The following CCBE1 variants were observed in gnomAD, a reference collection of about 807,000 sequenced individuals.
CCBE1 encodes collagen and calcium-binding EGF domain-containing protein 1.
Under a neutral mutation model 50.0 loss-of-function variants are expected in CCBE1, and 37 were observed. That is an observed-to-expected ratio of 0.74 (90% confidence interval 0.57 to 0.97). The LOEUF is 0.97. Among genes scored for constraint, CCBE1 ranks in the 50% least tolerant of loss-of-function variants. The pLI is 0.00. For missense variants in CCBE1, 538 were observed against 523.8 expected (o/e 1.03, Z -0.26); for synonymous variants, 234 against 203.7 (o/e 1.15, Z -1.27).
intron 3 of CCBE1, among the ~76,000 whole-genome samples, chr18:59,474,697 T>A (rs766619207): frequency 6.6e-6 from 1 of 152,196 alleles, no homozygotes; most frequent in Non-Finnish European, 1.5e-5. Context: ...AAAGGCAATA[T>A]CCTGTCTGTA....
intron 2 of CCBE1, among the ~76,000 whole-genome samples, chr18:59,609,057 C>A (rs2053538237): frequency 6.6e-6 from 1 of 152,184 alleles, no homozygotes; most frequent in Non-Finnish European, 1.5e-5. Context: ...ATCTGTTGAC[C>A]AACTCCTCCT....
intron 2 of CCBE1, among the ~76,000 whole-genome samples, chr18:59,498,042 T>A (rs1363749891): frequency 6.6e-6 from 1 of 152,192 alleles, no homozygotes; most frequent in East Asian, 1.9e-4. Context: ...TCAGCACTGG[T>A]GATTCTCCCG....
At chr18:59,581,252 C>CCA (rs1424900650) in intron 2 of CCBE1, among the ~76,000 whole-genome samples, 1 of 151,974 alleles carries the variant, frequency 6.6e-6, no homozygotes, top group Non-Finnish European at 1.5e-5. Flanking sequence ...ACCATCCTGA[C>CCA]CAACATGGTG....
At chr18:59,696,499 C>T in intron 2 of CCBE1, 130 bp downstream of exon 2, 7 of 1,547,482 alleles carry the variant, frequency 4.5e-6, no homozygotes, top group Non-Finnish European at 6.1e-6. Flanking sequence ...GCGCGGCACG[C>T]ACCCAGCAGG....
At chr18:59,620,255 G>A (rs1001420965) in intron 2 of CCBE1, among the ~76,000 whole-genome samples, 5 of 152,106 alleles carry the variant, frequency 3.3e-5, no homozygotes, top group African/African-American at 4.8e-5. Flanking sequence ...GTCTTCCAGT[G>A]GGGGGAGAGA....
chr18:59,571,771 C>T (rs186035478), intron 2 of CCBE1, among the ~76,000 whole-genome samples: 28 of 152,284 alleles, frequency 1.8e-4, no homozygotes, highest in Middle Eastern at 3.4e-3. Context: ...TTATCTCATA[C>T]GTACAGAAGA....
At chr18:59,566,112 C>A (rs1208858985) in intron 2 of CCBE1, among the ~76,000 whole-genome samples, 2 of 152,206 alleles carry the variant, frequency 1.3e-5, no homozygotes, top group African/African-American at 4.8e-5. Context: ...CACACTGCAA[C>A]AGCAACCGTG....
intron 2 of CCBE1, among the ~76,000 whole-genome samples, chr18:59,667,780 T>C (rs1351970468): frequency 3.3e-5 from 5 of 152,030 alleles, no homozygotes; most frequent in African/African-American, 1.2e-4. Flanking sequence ...CAGGAAAGAA[T>C]GGGGAGTGGG....
chr18:59,498,969 G>A (rs1913484527), intron 2 of CCBE1, among the ~76,000 whole-genome samples: 1 of 152,134 alleles, frequency 6.6e-6, no homozygotes, highest in African/African-American at 2.4e-5. Context: ...TTTCCTCCCT[G>A]TCCTGACTAT....
At chr18:59,562,078 T>C (rs2052746734) in intron 2 of CCBE1, among the ~76,000 whole-genome samples, 1 of 152,200 alleles carries the variant, frequency 6.6e-6, no homozygotes, top group Non-Finnish European at 1.5e-5. Context: ...AAGGTCATGA[T>C]TTGTAAACTT....
chr18:59,554,066 G>A (rs1043760789), intron 2 of CCBE1, among the ~76,000 whole-genome samples: 8 of 152,262 alleles, frequency 5.3e-5, no homozygotes, highest in African/African-American at 1.4e-4. Flanking sequence ...GCAGTGGTGC[G>A]ATCACAACTC....
chr18:59,445,611 C>T (rs1268563189), intron 7 of CCBE1, among the ~76,000 whole-genome samples: 3 of 152,188 alleles, frequency 2.0e-5, no homozygotes, highest in Non-Finnish European at 4.4e-5. Flanking sequence ...AGAATAATTA[C>T]GCCAAAGTTA....
At chr18:59,687,497 T>TTTCCCTTTTGTTTTG in intron 2 of CCBE1, among the ~76,000 whole-genome samples, 1 of 152,210 alleles carries the variant, frequency 6.6e-6, no homozygotes, top group Non-Finnish European at 1.5e-5. Context: ...TCCCTTCCTT[T>TTTCCCTTTTGTTTTG]GCCAAAATAC....
At chr18:59,596,430 C>G (rs2053351737) in intron 2 of CCBE1, among the ~76,000 whole-genome samples, 1 of 152,124 alleles carries the variant, frequency 6.6e-6, no homozygotes, top group African/African-American at 2.4e-5. Flanking sequence ...GTATTTTTTT[C>G]AATACCTAGA....
At chr18:59,582,598 G>C (rs1009478412) in intron 2 of CCBE1, among the ~76,000 whole-genome samples, 3 of 152,146 alleles carry the variant, frequency 2.0e-5, no homozygotes, top group Non-Finnish European at 4.4e-5. Flanking sequence ...GTAGTGATGG[G>C]GGAAGGGAGC....
At position 59,562,936 on chromosome 18, in the gene CCBE1, G is replaced by A. The variant is rs73961247; in HGVS notation, c.213-82698C>T. 4.4e-3 allele frequency among the ~76,000 whole-genome samples: 670 copies of A among 152,316 alleles called. 7 individuals are homozygous for A. The highest frequency in any genetic ancestry group is 0.015 in the African/African-American group (636 of 41,570). ...CTCTTGTTTGTTTCCCAGTTTGAGT[G>A]GTGGTGTTCAGGGAATGGACTCTTC... On this transcript the variant is annotated intron_variant, in intron 2 of 10. Coordinates refer to ENST00000439986, the MANE Select transcript of CCBE1 (RefSeq NM_133459.4).
At chr18:59,623,328 T>A (rs9955623) in intron 2 of CCBE1, among the ~76,000 whole-genome samples, 3,669 of 152,294 alleles carry the variant, frequency 0.024, 133 homozygotes, top group African/African-American at 0.084. Context: ...TTCTCCTCCC[T>A]TAATCAGTCA....
At position 59,469,502 on chromosome 18, in the gene CCBE1, T is replaced by G; in HGVS notation, c.371A>C (p.His124Pro). 6.2e-7 allele frequency: 1 copy of G among 1,614,182 alleles called. No homozygotes were observed. Among genetic ancestry groups the G allele is most frequent in the Non-Finnish European group, 8.5e-7 (1 of 1,180,040 alleles). Residue 124 changes from histidine to proline, a missense_variant, in exon 4 of 11, where the codon CAC becomes CCC. By Grantham distance (77) the His-to-Pro change is moderately conservative. Transcript: ENST00000439986. ...YPGYRYDRER[H>P]RKREKPYCLD... Reference sequence around the variant, plus strand: ...ACAGTATGGCTTCTCCCGCTTCCGGTGTCTCTCCCGGTCATATCGGTATCC... The same window carrying G: ...ACAGTATGGCTTCTCCCGCTTCCGGGGTCTCTCCCGGTCATATCGGTATCC...
At chr18:59,552,200 C>T (rs146517734) in intron 2 of CCBE1, among the ~76,000 whole-genome samples, 327 of 152,290 alleles carry the variant, frequency 2.1e-3, no homozygotes, top group African/African-American at 7.5e-3. Context: ...GTGGCTCAGG[C>T]CCTGGACCTC....
Sources: allele counts gnomAD v4.1 joint callset (sites outside exome capture counted in the v4.1 genomes callset), GRCh38; gene constraint gnomAD v4.1.1; transcripts MANE v1.5; gene names NCBI Gene and HGNC (gene_info 2026-07-23, HGNC 2026-07-21).